The following ENTPD3 variants were observed in gnomAD, a reference collection of about 807,000 sequenced individuals.
The protein encoded by ENTPD3 is CD39 antigen-like 3.
In ENTPD3, 60 loss-of-function variants were observed where a neutral mutation model predicts 51.2. That is an observed-to-expected ratio of 1.17 (90% confidence interval 0.95 to 1.45). The LOEUF is 1.45. Among genes scored for constraint, ENTPD3 ranks in the 40% most tolerant of loss-of-function variants. The probability of loss-of-function intolerance (pLI) is 0.00; values close to 1 mark genes in which losing one functional copy is unlikely to be tolerated. For synonymous variants in ENTPD3, 221 were observed against 238.4 expected (o/e 0.93, Z 0.67); for missense variants, 593 against 641.1 (o/e 0.93, Z 0.81).
chr3:40,419,926 T>G (rs1955826657), intron 7 of ENTPD3, among the ~76,000 whole-genome samples: 1 of 152,208 alleles, frequency 6.6e-6, no homozygotes, highest in Admixed American at 6.5e-5. Context: ...GTGAAGACTG[T>G]TGAATGTTGA....
At chr3:40,409,010 C>G (rs1032620932) in intron 4 of ENTPD3, among the ~76,000 whole-genome samples, 1 of 152,022 alleles carries the variant, frequency 6.6e-6, no homozygotes, top group African/African-American at 2.4e-5. Context: ...GTAATCCCAG[C>G]ACTTTGGGAG....
chr3:40,426,953 T>C (rs973131827), intron 10 of ENTPD3, among the ~76,000 whole-genome samples: 2 of 152,180 alleles, frequency 1.3e-5, no homozygotes, highest in Non-Finnish European at 2.9e-5. Context: ...CATTAGCCTC[T>C]TTCTCTAGCC....
chr3:40,414,609 C>T (rs1205596132), intron 5 of ENTPD3, 72 bp from the exon 6 acceptor site: 2 of 1,529,612 alleles, frequency 1.3e-6, no homozygotes, highest in South Asian at 1.2e-5. Context: ...GCATTTTCAC[C>T]TGAGTGAGAC....
At chr3:40,414,206 C>T (rs969513416) in intron 5 of ENTPD3, among the ~76,000 whole-genome samples, 1 of 152,150 alleles carries the variant, frequency 6.6e-6, no homozygotes, top group East Asian at 1.9e-4. Flanking sequence ...AAGAGTGAAG[C>T]AAAAACAGCT....
chr3:40,388,572 G>GCACACA (rs1426786871), intron 2 of ENTPD3, among the ~76,000 whole-genome samples: 16 of 94,100 alleles, frequency 1.7e-4, no homozygotes, highest in Admixed American at 4.2e-4. Context: ...ACACTGGAAG[G>GCACACA]CACACACACA....
At chr3:40,402,760 T>G (rs1161584593) in intron 4 of ENTPD3, among the ~76,000 whole-genome samples, 1 of 152,214 alleles carries the variant, frequency 6.6e-6, no homozygotes, top group East Asian at 1.9e-4. Flanking sequence ...TGGCTTGCTC[T>G]TTTGTATGTT....
Position 40,422,896 on chromosome 3 carries a change from A to T in ENTPD3, c.878A>T (p.Asp293Val), listed in dbSNP as rs1365997369. ...NHLTNPCYPR[D>V]YSISFTMGHV... ...CTCACCAATCCCTGTTACCCTCGGG[A>T]TTATAGCATCAGCTTCACCATGGGC... Residue 293 changes from aspartate (D) to valine (V), a missense_variant, in exon 8 of 11, where the codon GAT becomes GTT. Coordinates refer to ENST00000301825, the MANE Select transcript of ENTPD3 (RefSeq NM_001248.4). 2.5e-6 allele frequency: 4 copies of T among 1,613,890 alleles called. No homozygotes were observed. The South Asian group carries it at 4.4e-5, about 18-fold the overall frequency.
At chr3:40,396,422 G>C (rs1955201509) in intron 3 of ENTPD3, among the ~76,000 whole-genome samples, 2 of 152,166 alleles carry the variant, frequency 1.3e-5, no homozygotes, top group South Asian at 4.1e-4. Flanking sequence ...GCAGCTGACA[G>C]TTGGTTCTAA....
intron 4 of ENTPD3, among the ~76,000 whole-genome samples, chr3:40,402,440 C>A (rs562975259): frequency 6.6e-5 from 10 of 152,050 alleles, no homozygotes; most frequent in African/African-American, 2.2e-4. Context: ...TGTTGATGGG[C>A]ATTTGTATTT....
chr3:40,420,509 A>G (rs535216895), intron 7 of ENTPD3, among the ~76,000 whole-genome samples: 49 of 151,926 alleles, frequency 3.2e-4, no homozygotes, highest in Admixed American at 1.1e-3. Context: ...AAAGTGCTGG[A>G]ATTACACGTG....
At position 40,423,280 on chromosome 3, in the gene ENTPD3, CT is replaced by C; in HGVS notation, c.1105-9del. The C allele has an allele frequency of 6.2e-7, 1 of 1,608,232 alleles. No homozygotes were observed. Among genetic ancestry groups the C allele is most frequent in the Non-Finnish European group, 8.5e-7 (1 of 1,175,082 alleles). On this transcript the variant is annotated splice_polypyrimidine_tract_variant and intron_variant, in intron 8 of 10. Transcript: ENST00000301825. ...TGAGAACTAATTTTCTTCTGTATTACTTATTTCCAGGCTTTTGCAGGATTCT... is the reference window on the plus strand; with the variant it reads ...TGAGAACTAATTTTCTTCTGTATTACTATTTCCAGGCTTTTGCAGGATTCT...
At chr3:40,394,921 C>T (rs944997780) in intron 3 of ENTPD3, among the ~76,000 whole-genome samples, 1 of 152,158 alleles carries the variant, frequency 6.6e-6, no homozygotes, top group Admixed American at 6.5e-5. Flanking sequence ...ATGACCCAAA[C>T]GAATGTGTTT....
At chr3:40,421,013 TA>T (rs1223352626) in intron 7 of ENTPD3, among the ~76,000 whole-genome samples, 4 of 150,068 alleles carry the variant, frequency 2.7e-5, no homozygotes, top group Non-Finnish European at 5.9e-5. Flanking sequence ...TAATAATAAT[TA>T]ATTAATTTAA....
intron 4 of ENTPD3, among the ~76,000 whole-genome samples, chr3:40,411,458 C>T (rs1267442476): frequency 6.6e-6 from 1 of 152,072 alleles, no homozygotes; most frequent in Non-Finnish European, 1.5e-5. Flanking sequence ...TTGTGGGAAG[C>T]AAGTGGAAGA....
intron 2 of ENTPD3, 163 bp from the exon 3 acceptor site, chr3:40,391,860 G>A (rs1955063022): frequency 4.0e-6 from 3 of 758,070 alleles, no homozygotes; most frequent in African/African-American, 3.5e-5. Context: ...CTGGGGAGAA[G>A]GGGAGCTTAT....
intron 3 of ENTPD3, among the ~76,000 whole-genome samples, chr3:40,394,150 C>T (rs763644033): frequency 6.6e-5 from 10 of 150,982 alleles, no homozygotes; most frequent in African/African-American, 2.4e-4. Flanking sequence ...AGTCGTGCTC[C>T]GTCACCTAGG....
chr3:40,400,137 CA>C (rs1955311773), intron 3 of ENTPD3, among the ~76,000 whole-genome samples: 1 of 151,788 alleles, frequency 6.6e-6, no homozygotes, highest in Admixed American at 6.6e-5. Flanking sequence ...TGGTGGTGGG[CA>C]CCTGTAATCC....
intron 10 of ENTPD3, among the ~76,000 whole-genome samples, chr3:40,425,280 G>A (rs1955958962): frequency 6.6e-6 from 1 of 151,970 alleles, no homozygotes; most frequent in South Asian, 2.1e-4. Flanking sequence ...AGCTGGGCAT[G>A]TTGGTGCATG....
intron 4 of ENTPD3, among the ~76,000 whole-genome samples, chr3:40,405,078 C>T (rs1365473601): frequency 6.6e-6 from 1 of 152,180 alleles, no homozygotes; most frequent in Non-Finnish European, 1.5e-5. Context: ...CCACAAGGGA[C>T]ATTCATAATG....
Sources: gnomAD v4.1 joint callset for allele counts (sites outside exome capture counted in the v4.1 genomes callset) on GRCh38, gnomAD v4.1.1 for gene constraint, MANE v1.5 for transcripts, NCBI Gene and HGNC (gene_info 2026-07-23, HGNC 2026-07-21) for gene names.